Variants in LDLRAD4 observed in about 807,000 individuals in gnomAD.
LDLRAD4 encodes the protein low density lipoprotein receptor class A domain containing 4.
In LDLRAD4, 5 loss-of-function variants were observed where a neutral mutation model predicts 17.0. The ratio of observed to expected loss-of-function variants is 0.29; its 90% CI spans 0.15 to 0.62. The LOEUF (loss-of-function observed/expected upper bound fraction) is 0.62, where lower values mean the gene tolerates loss of function less well. Ranked by LOEUF, LDLRAD4 falls within the 20% of genes least tolerant of loss-of-function variation. The pLI is 0.84. For synonymous variants in LDLRAD4, 168 were observed against 171.8 expected, an observed-to-expected ratio of 0.98 and a Z score of 0.17; for missense variants, 340 against 424.7, an observed-to-expected ratio of 0.80 and a Z score of 1.75.
At chr18:13,228,005 C>T (rs768787072) in intron 1 of LDLRAD4, among the ~76,000 whole-genome samples, 6 of 152,206 alleles carry the variant, frequency 3.9e-5, no homozygotes, top group Admixed American at 2.0e-4. Flanking sequence ...CAGGTGCAGA[C>T]GGCAGAAGCT....
intron 3 of LDLRAD4, among the ~76,000 whole-genome samples, chr18:13,456,053 G>T (rs2092117159): frequency 6.6e-6 from 1 of 151,924 alleles, no homozygotes; most frequent in South Asian, 2.1e-4. Flanking sequence ...CCAGCATATG[G>T]AGGAGAAGTG....
At chr18:13,246,214 C>T (rs1204810603) in intron 1 of LDLRAD4, among the ~76,000 whole-genome samples, 1 of 152,240 alleles carries the variant, frequency 6.6e-6, no homozygotes, top group African/African-American at 2.4e-5. Context: ...TTGCAGCCTC[C>T]AGAGGTTTGG....
intron 3 of LDLRAD4, among the ~76,000 whole-genome samples, chr18:13,518,485 T>C (rs1473573002): frequency 6.6e-6 from 1 of 152,260 alleles, no homozygotes; most frequent in South Asian, 2.1e-4. Context: ...ACATACTTAA[T>C]TTTACCCACT....
intron 1 of LDLRAD4, among the ~76,000 whole-genome samples, chr18:13,260,007 G>C (rs2043726124): frequency 6.6e-6 from 1 of 152,252 alleles, no homozygotes; most frequent in African/African-American, 2.4e-5. Flanking sequence ...CTGTCTTTAA[G>C]ATGCATGTAA....
At chr18:13,438,186 A>G in intron 2 of LDLRAD4, 58 bp from the exon 4 acceptor site, 1 of 1,544,404 alleles carries the variant, frequency 6.5e-7, no homozygotes, top group South Asian at 1.1e-5. Context: ...CGACAGTCAC[A>G]GCTCAAGAGC....
intron 3 of LDLRAD4, among the ~76,000 whole-genome samples, chr18:13,444,505 T>G (rs2091252105): frequency 6.6e-6 from 1 of 152,236 alleles, no homozygotes; most frequent in South Asian, 2.1e-4. Flanking sequence ...AGTAGGCTAT[T>G]AGTAGTTAAG....
At chr18:13,569,405 A>G (rs1382148472) in intron 3 of LDLRAD4, among the ~76,000 whole-genome samples, 1 of 152,232 alleles carries the variant, frequency 6.6e-6, no homozygotes, top group Non-Finnish European at 1.5e-5. Flanking sequence ...ATTAGAAATG[A>G]ATTTTGGGCA....
chr18:13,510,238 C>T (rs755887505), intron 3 of LDLRAD4, among the ~76,000 whole-genome samples: 2 of 152,052 alleles, frequency 1.3e-5, no homozygotes, highest in South Asian at 2.1e-4. Flanking sequence ...GATAGCCTCT[C>T]CGTGGTTAGA....
intron 3 of LDLRAD4, among the ~76,000 whole-genome samples, chr18:13,590,334 GGTAAGT>G (rs2095003248): frequency 7.9e-6 from 1 of 127,212 alleles, no homozygotes; most frequent in African/African-American, 3.0e-5. Context: ...GTATGTGGGG[GGTAAGT>G]GTGTGTGTGT....
At chr18:13,396,530 C>A (rs1471518887) in intron 2 of LDLRAD4, among the ~76,000 whole-genome samples, 3 of 152,194 alleles carry the variant, frequency 2.0e-5, no homozygotes, top group Non-Finnish European at 4.4e-5. Flanking sequence ...GTCACCCAGG[C>A]TGGAATGCAG....
chr18:13,622,881 G>A lies in LDLRAD4; in HGVS notation c.336+1610G>A, dbSNP rs1444972218. 6.6e-6 allele frequency among the ~76,000 whole-genome samples: 1 copy of A among 152,182 alleles called. No individual in the cohort carries two copies. The highest frequency in any genetic ancestry group is 1.5e-5 in the Non-Finnish European group (1 of 68,020). On this transcript the variant is annotated intron_variant, in intron 4 of 5. Transcript: ENST00000359446. The surrounding 1 kb of genome is among the most constrained non-coding windows in gnomAD (Gnocchi z 5.3). ...ACAGCCTTCCTTGGCCTTCTCTCCA[G>A]GAGCTCCAGAACGCTTGGGGTCTCT... is the stretch of plus-strand genomic sequence containing the variant.
intron 3 of LDLRAD4, chr18:13,612,257 C>G (rs2039642843): frequency 1.0e-6 from 1 of 995,366 alleles, no homozygotes; most frequent in South Asian, 4.6e-5. Flanking sequence ...GTGTGTGACA[C>G]GTCCAGGTGT....
At chr18:13,421,641 C>T (rs533451907) in intron 2 of LDLRAD4, among the ~76,000 whole-genome samples, 1 of 152,252 alleles carries the variant, frequency 6.6e-6, no homozygotes, top group East Asian at 1.9e-4. Flanking sequence ...CCGTGGCTGC[C>T]CCTTACTTCT....
At chr18:13,583,723 G>A (rs1282692560) in intron 3 of LDLRAD4, among the ~76,000 whole-genome samples, 1 of 152,176 alleles carries the variant, frequency 6.6e-6, no homozygotes, top group Non-Finnish European at 1.5e-5. Context: ...GTAGTGTTGG[G>A]GGGCCCGGCC....
At chr18:13,327,225 G>T (rs550870866) in intron 1 of LDLRAD4, among the ~76,000 whole-genome samples, 1 of 152,058 alleles carries the variant, frequency 6.6e-6, no homozygotes, top group Non-Finnish European at 1.5e-5. Flanking sequence ...GAGCCACTTT[G>T]GTTAGCGTTT....
intron 2 of LDLRAD4, chr18:13,419,803 C>G (rs2089277937): frequency 6.6e-6 from 1 of 152,184 alleles, no homozygotes. Context: ...TATGTGGTCT[C>G]TGACGTATTA....
chr18:13,254,161 C>T (rs1161710703), intron 1 of LDLRAD4, among the ~76,000 whole-genome samples: 1 of 152,204 alleles, frequency 6.6e-6, no homozygotes, highest in Non-Finnish European at 1.5e-5. Flanking sequence ...GGGCTGAACA[C>T]GGACGGGCGG....
chr18:13,641,754 G>C, intron 4 of LDLRAD4: 14 of 985,470 alleles, frequency 1.4e-5, no homozygotes, highest in Non-Finnish European at 1.7e-5. Context: ...TGGGTCAGCC[G>C]AGGGCCGGGC....
intron 3 of LDLRAD4, among the ~76,000 whole-genome samples, chr18:13,498,976 G>C (rs1317581402): frequency 2.0e-5 from 3 of 147,404 alleles, no homozygotes; most frequent in Non-Finnish European, 3.0e-5. Context: ...GTGGACACTG[G>C]AGAATCCATC....
Sources: gnomAD v4.1 joint callset for allele counts (sites outside exome capture counted in the v4.1 genomes callset) on GRCh38, gnomAD v4.1.1 for gene constraint, Gnocchi (gnomAD v3.1) non-coding constraint, MANE v1.5 for transcripts, NCBI Gene and HGNC (gene_info 2026-07-23, HGNC 2026-07-21) for gene names.